PTPRD: variants seen among roughly 807,000 people sequenced by gnomAD.
PTPRD encodes protein tyrosine phosphatase receptor type D.
A neutral mutation model predicts 214.5 loss-of-function variants in PTPRD; 34 were observed. The observed-to-expected ratio is 0.16, with a 90% confidence interval of 0.12 to 0.21. The LOEUF (loss-of-function observed/expected upper bound fraction) is 0.21, where lower values mean the gene tolerates loss of function less well. Among genes scored for constraint, PTPRD ranks in the 10% least tolerant of loss-of-function variants. The pLI, the probability that PTPRD is intolerant of heterozygous loss-of-function variation, is 1.00. For synonymous variants in PTPRD, 1,128 were observed against 845.7 expected, an observed-to-expected ratio of 1.33 and a Z score of -5.79; for missense variants, 2,545 against 2,398.7, an observed-to-expected ratio of 1.06 and a Z score of -1.27.
At chr9:9,811,402 T>C (rs2047093703) in intron 5 of PTPRD, among the ~76,000 whole-genome samples, 1 of 152,050 alleles carries the variant, frequency 6.6e-6, no homozygotes, top group South Asian at 2.1e-4. Context: ...AGAAGTTGCT[T>C]CTTAAGGATG....
chr9:8,780,814 A>T (rs1180683453), intron 11 of PTPRD, among the ~76,000 whole-genome samples: 1 of 152,224 alleles, frequency 6.6e-6, no homozygotes, highest in Non-Finnish European at 1.5e-5. Context: ...CAGAAAAGGA[A>T]GGAGATTGTG....
intron 8 of PTPRD, among the ~76,000 whole-genome samples, chr9:9,541,801 G>C (rs928188214): frequency 6.6e-6 from 1 of 151,814 alleles, no homozygotes; most frequent in African/African-American, 2.4e-5. Flanking sequence ...TGGCTGAAGA[G>C]TGGCAGCAGG....
chr9:8,766,026 C>G (rs923926448), intron 11 of PTPRD, among the ~76,000 whole-genome samples: 1 of 151,830 alleles, frequency 6.6e-6, no homozygotes, highest in Non-Finnish European at 1.5e-5. Flanking sequence ...TGGAATAGCC[C>G]AGCATCAGGG....
At chr9:9,900,883 C>T (rs1025365890) in intron 5 of PTPRD, among the ~76,000 whole-genome samples, 13 of 152,092 alleles carry the variant, frequency 8.5e-5, no homozygotes, top group Non-Finnish European at 1.6e-4. Flanking sequence ...GATCCGCCCA[C>T]ATTGACCTCC....
chr9:9,830,249 T>C (rs1015524920), intron 5 of PTPRD, among the ~76,000 whole-genome samples: 2 of 151,986 alleles, frequency 1.3e-5, no homozygotes, highest in East Asian at 1.9e-4. Flanking sequence ...ATCTTTCAAA[T>C]GTCTATTTGA....
At chr9:9,042,965 A>G (rs2099646019) in intron 10 of PTPRD, among the ~76,000 whole-genome samples, 1 of 152,212 alleles carries the variant, frequency 6.6e-6, no homozygotes, top group Non-Finnish European at 1.5e-5. Flanking sequence ...GTGTTCTAAC[A>G]GGACTGGACT....
At chr9:10,595,320 AAT>A (rs1482980481) in intron 2 of PTPRD, among the ~76,000 whole-genome samples, 2 of 151,740 alleles carry the variant, frequency 1.3e-5, no homozygotes, top group African/African-American at 4.9e-5. Context: ...TATAAAAGAT[AAT>A]GAGGCAATTT....
chr9:9,532,141 T>G lies in PTPRD; in HGVS notation c.-237+42591A>C, dbSNP rs61103595. Among the ~76,000 whole-genome samples, 65 of 152,194 alleles carry G rather than the reference T, an allele frequency of 4.3e-4. No individual in the cohort carries two copies. The East Asian group carries it at 0.012, about 29-fold the overall frequency. On this transcript the variant is annotated intron_variant, in intron 8 of 45. Coordinates refer to ENST00000381196, the MANE Select transcript of PTPRD (RefSeq NM_002839.4). The stretch of plus-strand genomic sequence containing the variant: ...AAAATCTAAATGAATATAAACCATA[T>G]GCAGGAGAGCTAGGAAGAAACACAA...
intron 13 of PTPRD, among the ~76,000 whole-genome samples, chr9:8,633,892 G>C (rs1035824701): frequency 5.9e-5 from 9 of 151,964 alleles, no homozygotes; most frequent in African/African-American, 1.2e-4. Context: ...TGCCACCACA[G>C]ATAGCTCTGC....
intron 2 of PTPRD, among the ~76,000 whole-genome samples, chr9:10,569,955 GA>G (rs904566927): frequency 6.6e-6 from 1 of 151,946 alleles, no homozygotes; most frequent in Non-Finnish European, 1.5e-5. Context: ...TGTTTTTTAT[GA>G]TATATAATAT....
At chr9:10,307,905 T>TA (rs1392836553) in intron 3 of PTPRD, among the ~76,000 whole-genome samples, 1 of 152,034 alleles carries the variant, frequency 6.6e-6, no homozygotes, top group African/African-American at 2.4e-5. Flanking sequence ...GCCCTGTTTT[T>TA]ATTGGGATTA....
chr9:9,317,364 C>G (rs933116575), intron 9 of PTPRD, among the ~76,000 whole-genome samples: 1 of 152,184 alleles, frequency 6.6e-6, no homozygotes, highest in Non-Finnish European at 1.5e-5. Context: ...GCATGTCAAA[C>G]TCAATATTTC....
chr9:9,254,631 G>C (rs1301537872), intron 9 of PTPRD, among the ~76,000 whole-genome samples: 1 of 152,072 alleles, frequency 6.6e-6, no homozygotes, highest in Non-Finnish European at 1.5e-5. Flanking sequence ...ATGATTTGGA[G>C]TTGGTTCCTC....
Position 8,581,913 on chromosome 9 carries a change from C to CAAAA in PTPRD, c.352+51400_352+51403dup, listed in dbSNP as rs36007156. Among the ~76,000 whole-genome samples, 186 of 34,928 alleles carry CAAAA rather than the reference C, an allele frequency of 5.3e-3. 8 individuals are homozygous for CAAAA. Among genetic ancestry groups the CAAAA allele is most frequent in the African/African-American group, 0.012 (148 of 12,174 alleles). 22.9% of individuals were successfully genotyped at this position (34,928 alleles called of 152,430 possible). ...GGATGACAGAGCATGACTCAATCTC[C>CAAAA]AAAAAAAAAAAAAAAAAAAAAAAAA... On this transcript the variant is annotated intron_variant, in intron 14 of 45. Transcript: ENST00000381196.
At chr9:8,977,227 T>C (rs1410346987) in intron 11 of PTPRD, among the ~76,000 whole-genome samples, 1 of 152,088 alleles carries the variant, frequency 6.6e-6, no homozygotes, top group East Asian at 1.9e-4. Flanking sequence ...TTTACCGTCT[T>C]CAAATTTTAA....
At chr9:9,114,086 A>T (rs2099809796) in intron 10 of PTPRD, among the ~76,000 whole-genome samples, 2 of 152,142 alleles carry the variant, frequency 1.3e-5, no homozygotes, top group South Asian at 4.1e-4. Flanking sequence ...GCTATAAACC[A>T]TATCCTTTTG....
rs750725002 is a variant in PTPRD, at chr9:9,140,636, A to T, written c.-143+42668T>A. The stretch of plus-strand genomic sequence containing the variant: ...CTCTGTCGCCCAGGCTGGAGTGCAG[A>T]GGCGCGATCTCGGCTCACTGCAGGC... On this transcript the variant is annotated intron_variant, in intron 10 of 45. Transcript: ENST00000381196. 5.3e-4 allele frequency among the ~76,000 whole-genome samples: 80 copies of T among 152,104 alleles called. 2 individuals are homozygous for T. Among genetic ancestry groups the T allele is most frequent in the East Asian group, 1.9e-4 (1 of 5,184 alleles).
At chr9:9,324,210 T>A (rs975323209) in intron 9 of PTPRD, among the ~76,000 whole-genome samples, 1 of 152,156 alleles carries the variant, frequency 6.6e-6, no homozygotes, top group Non-Finnish European at 1.5e-5. Flanking sequence ...CACGCAGTAA[T>A]GGGATGGCTG....
intron 2 of PTPRD, among the ~76,000 whole-genome samples, chr9:10,534,235 G>A (rs972296732): frequency 6.6e-6 from 1 of 151,812 alleles, no homozygotes; most frequent in African/African-American, 2.4e-5. Flanking sequence ...CTAAAAAGAT[G>A]TTAAAATTAC....
Sources: allele counts gnomAD v4.1 joint callset (sites outside exome capture counted in the v4.1 genomes callset), GRCh38; gene constraint gnomAD v4.1.1; transcripts MANE v1.5; gene names NCBI Gene and HGNC (gene_info 2026-07-23, HGNC 2026-07-21).